Variants in BRD4 observed in about 807,000 individuals in gnomAD.
BRD4 encodes the protein bromodomain-containing protein 4.
Under a neutral mutation model 142.1 loss-of-function variants are expected in BRD4, and 16 were observed. The observed-to-expected ratio is 0.11, with a 90% CI of 0.08 to 0.17. The LOEUF is 0.17. Among genes scored for constraint, BRD4 ranks in the 10% least tolerant of loss-of-function variants. The pLI is 1.00. For missense variants in BRD4, 1,424 were observed against 1,810.9 expected, an observed-to-expected ratio of 0.79 and a Z score of 3.88; for synonymous variants, 833 against 707.5, an observed-to-expected ratio of 1.18 and a Z score of -2.82.
chr19:15,286,305 G>A (rs2047739634), intron 1 of BRD4, among the ~76,000 whole-genome samples: 1 of 152,160 alleles, frequency 6.6e-6, no homozygotes, highest in Non-Finnish European at 1.5e-5. Flanking sequence ...CCATAATCAG[G>A]CACCGTGGTA....
chr19:15,267,377 G>T (rs202044814), intron 4 of BRD4, 39 bp downstream of exon 4: 1 of 1,606,458 alleles, frequency 6.2e-7, no homozygotes, highest in South Asian at 1.1e-5. Flanking sequence ...GACAAAGGTC[G>T]GGGAGAAAGC....
intron 1 of BRD4, among the ~76,000 whole-genome samples, chr19:15,293,270 G>A (rs1419198622): frequency 6.6e-6 from 1 of 152,150 alleles, no homozygotes; most frequent in Non-Finnish European, 1.5e-5. Context: ...AAGGGCTCCT[G>A]GCTACCTGAG....
chr19:15,276,775 G>T (rs2047651371), intron 1 of BRD4, among the ~76,000 whole-genome samples: 1 of 152,168 alleles, frequency 6.6e-6, no homozygotes, highest in South Asian at 2.1e-4. Flanking sequence ...TCAGGCAACA[G>T]GTCCTAACAT....
chr19:15,320,150 G>T (rs2048049331), intron 1 of BRD4, among the ~76,000 whole-genome samples: 1 of 152,160 alleles, frequency 6.6e-6, no homozygotes, highest in South Asian at 2.1e-4. Context: ...TGATGATCTA[G>T]AGAGAAGCAG....
At chr19:15,267,579 C>G in intron 3 of BRD4, 28 bp from the exon 4 acceptor site, 1 of 1,608,010 alleles carries the variant, frequency 6.2e-7, no homozygotes, top group South Asian at 1.1e-5. Context: ...GGGGTAGAGT[C>G]AGAGGGCCCT....
intron 1 of BRD4, among the ~76,000 whole-genome samples, chr19:15,324,677 T>C (rs2048092739): frequency 6.6e-6 from 1 of 152,244 alleles, no homozygotes; most frequent in African/African-American, 2.4e-5. Context: ...CAGTGCCTTC[T>C]GGCTCCCTGA....
At chr19:15,331,654 A>G (rs984086376) in intron 1 of BRD4, among the ~76,000 whole-genome samples, 1 of 151,824 alleles carries the variant, frequency 6.6e-6, no homozygotes, top group Admixed American at 6.6e-5. Flanking sequence ...CACTCCGGGG[A>G]CCGCCGGGAA....
chr19:15,295,224 G>C (rs1052487601), intron 1 of BRD4, among the ~76,000 whole-genome samples: 4 of 152,150 alleles, frequency 2.6e-5, no homozygotes, highest in Non-Finnish European at 5.9e-5. Context: ...GCACCTCATG[G>C]CACTGGGCAT....
At chr19:15,321,914 G>T (rs139119245) in intron 1 of BRD4, among the ~76,000 whole-genome samples, 1 of 152,208 alleles carries the variant, frequency 6.6e-6, no homozygotes, top group African/African-American at 2.4e-5. Context: ...TGGGTACAGG[G>T]AAGAAACGAA....
intron 4 of BRD4, among the ~76,000 whole-genome samples, chr19:15,266,689 T>C (rs62113844): frequency 6.6e-6 from 1 of 152,324 alleles, no homozygotes; most frequent in African/African-American, 2.4e-5. Context: ...CAACCCCCTT[T>C]CTGCCACCAC....
intron 1 of BRD4, among the ~76,000 whole-genome samples, chr19:15,289,791 T>C (rs2047767954): frequency 6.6e-6 from 1 of 151,846 alleles, no homozygotes; most frequent in African/African-American, 2.4e-5. Flanking sequence ...GAAGTGTGCT[T>C]GTAAGGACAC....
intron 1 of BRD4, among the ~76,000 whole-genome samples, chr19:15,308,191 A>G (rs2047934030): frequency 2.8e-5 from 2 of 71,320 alleles, no homozygotes; most frequent in South Asian, 4.7e-4. Context: ...GAAAAAAAAG[A>G]AAGGGGGCAA....
At chr19:15,312,790 C>T (rs1235338668) in intron 1 of BRD4, among the ~76,000 whole-genome samples, 1 of 151,964 alleles carries the variant, frequency 6.6e-6, no homozygotes, top group Non-Finnish European at 1.5e-5. Flanking sequence ...ACAAAATTAG[C>T]CGGGCGTGGG....
chr19:15,328,937 C>G (rs2048133174), intron 1 of BRD4, among the ~76,000 whole-genome samples: 1 of 152,196 alleles, frequency 6.6e-6, no homozygotes, highest in Non-Finnish European at 1.5e-5. Flanking sequence ...CTATGCCCGG[C>G]TAATTTTGTA....
chr19:15,307,833 G>A (rs2047927444), intron 1 of BRD4, among the ~76,000 whole-genome samples: 1 of 152,090 alleles, frequency 6.6e-6, no homozygotes. Flanking sequence ...AGCCCAGGTC[G>A]GCCAGATGTG....
At chr19:15,311,424 T>C (rs2145711412) in intron 1 of BRD4, among the ~76,000 whole-genome samples, 1 of 152,258 alleles carries the variant, frequency 6.6e-6, no homozygotes, top group South Asian at 2.1e-4. Context: ...AATTCTGACA[T>C]GCTACAACAC....
chr19:15,246,863 C>A (rs147879862), intron 11 of BRD4, among the ~76,000 whole-genome samples: 1 of 152,094 alleles, frequency 6.6e-6, no homozygotes, highest in African/African-American at 2.4e-5. Context: ...GGCATGTGCA[C>A]GGCAGACCCC....
At chr19:15,253,563 G>A (rs775498536) in intron 11 of BRD4, 1 of 1,564,050 alleles carries the variant, frequency 6.4e-7, no homozygotes. Flanking sequence ...AGATTCAGGA[G>A]CAGCCAACAC....
intron 1 of BRD4, among the ~76,000 whole-genome samples, chr19:15,275,302 C>T (rs1217844323): frequency 6.6e-6 from 1 of 152,256 alleles, no homozygotes; most frequent in East Asian, 1.9e-4. Context: ...AAGTGATGCA[C>T]AGTAACAGTT....
Sources: allele counts gnomAD v4.1 joint callset (sites outside exome capture counted in the v4.1 genomes callset), GRCh38; gene constraint gnomAD v4.1.1; transcripts MANE v1.5; gene names NCBI Gene and HGNC (gene_info 2026-07-23, HGNC 2026-07-21).